Variants in DHX15 observed in about 807,000 individuals in gnomAD.
The protein encoded by DHX15 is DEAH-box helicase 15.
A neutral mutation model predicts 94.4 loss-of-function variants in DHX15; 11 were observed. The observed-to-expected ratio is 0.12, with a 90% CI of 0.07 to 0.19. The LOEUF (loss-of-function observed/expected upper bound fraction) is 0.19, where lower values mean the gene tolerates loss of function less well. Among genes scored for constraint, DHX15 ranks in the 10% least tolerant of loss-of-function variants. DHX15 has a pLI of 1.00. For missense variants in DHX15, 304 were observed against 988.5 expected (o/e 0.31, Z 9.29); for synonymous variants, 338 against 329.9 (o/e 1.02, Z -0.27).
At position 24,584,458 on chromosome 4, in the gene DHX15, G is replaced by T. The variant is rs1292453384; in HGVS notation, c.-65C>A. 3.0e-5 allele frequency: 45 copies of T among 1,503,714 alleles called. No homozygotes were observed. Among genetic ancestry groups the T allele is most frequent in the Non-Finnish European group, 3.9e-5 (43 of 1,101,166 alleles). The allele number at this position is 1,503,714 out of a possible 1,614,324, so 93.1% of individuals were successfully genotyped here. On this transcript the variant is annotated 5_prime_UTR_variant, in exon 1 of 14. Coordinates refer to ENST00000336812, the MANE Select transcript of DHX15 (RefSeq NM_001358.3). ...CTGGCTGCTGTATGGGCACAGTCGA[G>T]GACAGCCACTTAACTCTGGAGGACC...
chr4:24,555,047 C>A (rs1397592924), intron 4 of DHX15, 104 bp from the exon 5 acceptor site: 2 of 706,586 alleles, frequency 2.8e-6, no homozygotes, highest in Admixed American at 3.2e-5. Context: ...TATAAAAATG[C>A]CCATGAAAAC....
At chr4:24,558,506 TATAA>T (rs1234440268) in intron 3 of DHX15, among the ~76,000 whole-genome samples, 2 of 152,174 alleles carry the variant, frequency 1.3e-5, no homozygotes, top group Non-Finnish European at 2.9e-5. Flanking sequence ...GATGGCAGAC[TATAA>T]ATATTATAAA....
In DHX15 at chr4:24,533,023, G is replaced by A; in HGVS notation, c.1941C>T (p.Asn647=). ...NHESVQWCYD[N]FINYRSLMSA... The stretch of plus-strand genomic sequence containing the variant: ...ACATCAGGGACCTGTAGTTAATGAA[G>A]TTGTCATAACACCACTGAACCGATT... Residue 647 remains asparagine (N), a synonymous_variant, in exon 12 of 14, where the codon AAC becomes AAT. Transcript: ENST00000336812. 1 of 1,614,102 alleles carries A rather than the reference G, an allele frequency of 6.2e-7. No homozygotes were observed. The highest frequency in any genetic ancestry group is 8.5e-7 in the Non-Finnish European group (1 of 1,179,996).
chr4:24,543,634 T>C (rs1210740589), intron 6 of DHX15, among the ~76,000 whole-genome samples: 1 of 152,194 alleles, frequency 6.6e-6, no homozygotes, highest in Non-Finnish European at 1.5e-5. Context: ...TTAAGAACTA[T>C]AATTCTTTAT....
chr4:24,543,955 A>G (rs75781844), intron 6 of DHX15, among the ~76,000 whole-genome samples: 5,391 of 152,270 alleles, frequency 0.035, 138 homozygotes, highest in Middle Eastern at 0.095. Context: ...ACATGGATAG[A>G]AAGTGTGAGT....
At chr4:24,535,563 G>A (rs894110615) in intron 11 of DHX15, among the ~76,000 whole-genome samples, 1 of 152,178 alleles carries the variant, frequency 6.6e-6, no homozygotes, top group African/African-American at 2.4e-5. Context: ...TCTTCAGCCT[G>A]TGGTTTCATA....
At chr4:24,577,992 TTG>T (rs1722312891) in intron 1 of DHX15, among the ~76,000 whole-genome samples, 1 of 152,142 alleles carries the variant, frequency 6.6e-6, no homozygotes, top group Admixed American at 6.6e-5. Context: ...CCAAGTGCAG[TTG>T]TGTGACATGT....
At chr4:24,552,016 C>T (rs1185957736) in intron 5 of DHX15, among the ~76,000 whole-genome samples, 1 of 152,136 alleles carries the variant, frequency 6.6e-6, no homozygotes, top group Non-Finnish European at 1.5e-5. Context: ...GAAGAAATCC[C>T]GTAACACTTA....
At chr4:24,553,898 A>G (rs1000352872) in intron 5 of DHX15, among the ~76,000 whole-genome samples, 1 of 152,048 alleles carries the variant, frequency 6.6e-6, no homozygotes, top group Non-Finnish European at 1.5e-5. Flanking sequence ...GCACACCTAT[A>G]AACACCCTAT....
intron 3 of DHX15, among the ~76,000 whole-genome samples, chr4:24,560,614 A>G (rs1010628502): frequency 1.3e-5 from 2 of 152,192 alleles, no homozygotes; most frequent in Admixed American, 1.3e-4. Flanking sequence ...CTATAAGAAA[A>G]AGGCCAATCC....
At chr4:24,529,564 A>G in intron 13 of DHX15, 37 bp downstream of exon 13, 1 of 1,591,744 alleles carries the variant, frequency 6.3e-7, no homozygotes, top group Non-Finnish European at 8.6e-7. Flanking sequence ...TGAGCAAAGT[A>G]CTAACAAAAA....
Position 24,532,983 on chromosome 4 carries a change from G to A in DHX15, c.1981C>T (p.Arg661Cys). Reference sequence around the variant, plus strand: ...TCCATAATTCGAGATAGCTGCTGGCGTACATTGTCTGCGGACATCAGGGAC... The same window carrying A: ...TCCATAATTCGAGATAGCTGCTGGCATACATTGTCTGCGGACATCAGGGAC... ...YRSLMSADNV[R>C]QQLSRIMDRF... Residue 661 changes from arginine (R) to cysteine (C), a missense_variant, in exon 12 of 14, where the codon CGC becomes TGC. Arg to Cys is a radical substitution (Grantham distance 180). Coordinates refer to ENST00000336812, the MANE Select transcript of DHX15 (RefSeq NM_001358.3). 1 of 1,613,966 alleles carries A rather than the reference G, an allele frequency of 6.2e-7. No individual in the cohort carries two copies. Among genetic ancestry groups the A allele is most frequent in the Non-Finnish European group, 8.5e-7 (1 of 1,179,896 alleles).
chr4:24,549,112 T>C, intron 5 of DHX15, 90 bp from the exon 6 acceptor site: 3 of 1,079,970 alleles, frequency 2.8e-6, no homozygotes, highest in East Asian at 2.7e-5. Flanking sequence ...GTTTTATGTA[T>C]GCCATCTTCT....
chr4:24,550,224 C>T (rs1721563603), intron 5 of DHX15, among the ~76,000 whole-genome samples: 1 of 151,414 alleles, frequency 6.6e-6, no homozygotes, highest in Admixed American at 6.6e-5. Context: ...ATGTGATGGC[C>T]TAGGACATTC....
At chr4:24,571,895 T>G (rs1722129541) in intron 2 of DHX15, among the ~76,000 whole-genome samples, 1 of 152,164 alleles carries the variant, frequency 6.6e-6, no homozygotes, top group Non-Finnish European at 1.5e-5. Context: ...TTAAAACACT[T>G]TAAATGAACA....
chr4:24,580,510 C>CTTT (rs36034914), intron 1 of DHX15, among the ~76,000 whole-genome samples: 1 of 139,306 alleles, frequency 7.2e-6, no homozygotes. Context: ...ATAAGCATTG[C>CTTT]TTTTTTTTTT....
intron 11 of DHX15, among the ~76,000 whole-genome samples, chr4:24,534,777 T>C (rs1010352448): frequency 3.3e-5 from 5 of 152,190 alleles, no homozygotes; most frequent in African/African-American, 1.2e-4. Context: ...CTATTGTCTC[T>C]AATGCAAAAC....
chr4:24,536,283 ATTT>A (rs1198912761), intron 11 of DHX15, among the ~76,000 whole-genome samples: 9 of 150,258 alleles, frequency 6.0e-5, no homozygotes, highest in Non-Finnish European at 1.2e-4. Context: ...TAGGTAGCCA[ATTT>A]TTTTTTTACC....
At position 24,563,924 on chromosome 4, in the gene DHX15, G is replaced by A. The variant is rs529234120; in HGVS notation, c.701+6730C>T. Among the ~76,000 whole-genome samples, 193 of 152,096 alleles carry A rather than the reference G, an allele frequency of 1.3e-3. 1 individual carries two copies. The highest frequency in any genetic ancestry group is 3.9e-3 in the South Asian group (19 of 4,814). ...CTAAAAATACAAAAAAAAATTAGCC[G>A]GGCGTGGTGGTGGGCAGCTGTAGTC... On this transcript the variant is annotated intron_variant, in intron 3 of 13. Coordinates refer to ENST00000336812, the MANE Select transcript of DHX15 (RefSeq NM_001358.3).
Sources: allele counts gnomAD v4.1 joint callset (sites outside exome capture counted in the v4.1 genomes callset), GRCh38; gene constraint gnomAD v4.1.1; transcripts MANE v1.5; gene names NCBI Gene and HGNC (gene_info 2026-07-23, HGNC 2026-07-21).